Variants in DTNA observed in about 807,000 individuals in gnomAD.
DTNA encodes the protein dystrophin-related protein 3.
A neutral mutation model predicts 100.7 loss-of-function variants in DTNA; 43 were observed. The observed-to-expected ratio is 0.43, with a 90% CI of 0.33 to 0.55. The LOEUF is 0.55. Ranked by LOEUF, DTNA falls within the 20% of genes least tolerant of loss-of-function variation. DTNA has a pLI of 0.04. For synonymous variants in DTNA, 349 were observed against 347.9 expected, an observed-to-expected ratio of 1.00 and a Z score of -0.04; for missense variants, 798 against 953.9, an observed-to-expected ratio of 0.84 and a Z score of 2.15.
At chr18:34,504,433 C>G (rs1256071087) in intron 1 of DTNA, among the ~76,000 whole-genome samples, 1 of 152,110 alleles carries the variant, frequency 6.6e-6, no homozygotes, top group Non-Finnish European at 1.5e-5. Flanking sequence ...TTACCATGTT[C>G]TTTTTTCTTG....
chr18:34,882,269 C>T, intron 21 of DTNA, 68 bp downstream of exon 21: 2 of 1,588,120 alleles, frequency 1.3e-6, no homozygotes, highest in African/African-American at 1.3e-5. Flanking sequence ...GGGTCTTTGA[C>T]ATGACTTGCA....
chr18:34,577,028 T>A (rs1380926590), intron 1 of DTNA, among the ~76,000 whole-genome samples: 2 of 152,208 alleles, frequency 1.3e-5, no homozygotes, highest in Non-Finnish European at 2.9e-5. Flanking sequence ...TGTGGGTCAG[T>A]AATAAATAGT....
chr18:34,822,648 A>C (rs1602684852), intron 9 of DTNA: 1 of 153,414 alleles, frequency 6.5e-6, no homozygotes, highest in East Asian at 1.9e-4. Context: ...GTGTGTGTGC[A>C]CGTGTGTGTC....
intron 17 of DTNA, chr18:34,867,676 C>T (rs553778336): frequency 2.0e-6 from 2 of 987,200 alleles, no homozygotes; most frequent in East Asian, 1.1e-4. Flanking sequence ...AGCCATTTCC[C>T]TTGGGGATAC....
intron 1 of DTNA, among the ~76,000 whole-genome samples, chr18:34,641,019 C>T (rs1412062004): frequency 6.6e-6 from 1 of 151,932 alleles, no homozygotes; most frequent in Admixed American, 6.6e-5. Context: ...GGGGTAAAGA[C>T]TTTATTATTA....
At chr18:34,712,136 AAG>A (rs750807657) in intron 1 of DTNA, among the ~76,000 whole-genome samples, 9 of 152,082 alleles carry the variant, frequency 5.9e-5, no homozygotes, top group Non-Finnish European at 1.3e-4. Context: ...AGAAAAATAA[AAG>A]AGGGAAAGAA....
rs868332649 is a variant in DTNA, at chr18:34,885,931, T to G, written c.*31+1155T>G. ...ACTTGGCACACTGTGGGCCACACTG[T>G]TCCGTAAGTCTAGATTTTTTCTCTG... On this transcript the variant is annotated intron_variant, in intron 22 of 22. Transcript: ENST00000444659. 4.6e-5 allele frequency among the ~76,000 whole-genome samples: 7 copies of G among 152,326 alleles called. No individual in the cohort carries two copies. In the South Asian group the frequency reaches 1.4e-3, roughly 32 times the overall value.
intron 1 of DTNA, among the ~76,000 whole-genome samples, chr18:34,550,803 A>G (rs1041003633): frequency 7.9e-5 from 12 of 152,296 alleles, no homozygotes; most frequent in East Asian, 1.9e-4. Flanking sequence ...TTATATTTCT[A>G]ATCAAAAATG....
chr18:34,500,581 AGCC>A (rs2039797677), intron 1 of DTNA, among the ~76,000 whole-genome samples: 1 of 151,708 alleles, frequency 6.6e-6, no homozygotes, highest in African/African-American at 2.4e-5. Context: ...CTCCTGCCTC[AGCC>A]TCCTGAGTAG....
chr18:34,653,052 A>G (rs1599636018), intron 1 of DTNA, among the ~76,000 whole-genome samples: 1 of 152,144 alleles, frequency 6.6e-6, no homozygotes, highest in East Asian at 1.9e-4. Flanking sequence ...AAATGTCACT[A>G]TTTCCTGCAG....
chr18:34,872,448 C>A (rs1369158943), intron 17 of DTNA, among the ~76,000 whole-genome samples: 1 of 152,178 alleles, frequency 6.6e-6, no homozygotes, highest in African/African-American at 2.4e-5. Context: ...TATCTCAAAT[C>A]ACTAGATCCA....
chr18:34,856,516 T>C (rs776686058), intron 15 of DTNA, among the ~76,000 whole-genome samples: 65 of 152,150 alleles, frequency 4.3e-4, no homozygotes, highest in Non-Finnish European at 9.1e-4. Context: ...CAAATTATAT[T>C]GTATGGGTCA....
At chr18:34,803,869 A>G (rs893133371) in intron 4 of DTNA, among the ~76,000 whole-genome samples, 1 of 152,218 alleles carries the variant, frequency 6.6e-6, no homozygotes, top group Non-Finnish European at 1.5e-5. Flanking sequence ...TGTAATTTTT[A>G]TAATGATTAC....
At chr18:34,657,577 C>G (rs2074570942) in intron 1 of DTNA, among the ~76,000 whole-genome samples, 1 of 152,064 alleles carries the variant, frequency 6.6e-6, no homozygotes, top group Admixed American at 6.5e-5. Flanking sequence ...AGAATACCAA[C>G]CATTTAATTT....
chr18:34,798,712 T>C (rs1469287329), intron 4 of DTNA, among the ~76,000 whole-genome samples: 1 of 152,234 alleles, frequency 6.6e-6, no homozygotes, highest in East Asian at 1.9e-4. Flanking sequence ...ATTTTCCTAT[T>C]TTCAGAGGTC....
rs371639573 is a variant in DTNA at position 34,581,646 on chromosome 18, G to T, written c.-2+88132G>T. Among the ~76,000 whole-genome samples the T allele has an allele frequency of 2.2e-4, 32 of 145,886 alleles. No individual in the cohort carries two copies. In the East Asian group the frequency reaches 4.8e-3, roughly 22 times the overall value. On this transcript the variant is annotated intron_variant, in intron 1 of 19. Coordinates refer to the DTNA transcript ENST00000283365. ...GTTTTTTTTTTTTTTTTTTGTGACG[G>T]AGTCTTGCTCTGTCACCAGGCTGGC...
chr18:34,877,959 GT>G lies in DTNA; in HGVS notation c.1993+161del, dbSNP rs140501534. On this transcript the variant is annotated intron_variant, in intron 19 of 22. Transcript: ENST00000444659. ...TTGTTGGTCTATTCAGATTTGAGGG[GT>G]TTTTTTTTTGTTTGTTTGTTTTTGG... 13,928 of 657,360 alleles carry G rather than the reference GT, an allele frequency of 0.021. 140 individuals carry two copies. Among genetic ancestry groups the G allele is most frequent in the South Asian group, 0.024 (1,123 of 46,668 alleles). 40.7% of individuals were successfully genotyped at this position (657,360 alleles called of 1,614,324 possible).
At chr18:34,522,683 G>A (rs976919656) in intron 1 of DTNA, among the ~76,000 whole-genome samples, 5 of 152,134 alleles carry the variant, frequency 3.3e-5, no homozygotes, top group African/African-American at 7.2e-5. Context: ...CAACAAGTGT[G>A]GTCAAGTGCA....
At chr18:34,732,678 G>T (rs1308178011) in intron 1 of DTNA, among the ~76,000 whole-genome samples, 3 of 152,150 alleles carry the variant, frequency 2.0e-5, no homozygotes, top group Admixed American at 6.5e-5. Context: ...CCCAAGCAAA[G>T]AAAATTAAAT....
Sources: gnomAD v4.1 joint callset for allele counts (sites outside exome capture counted in the v4.1 genomes callset) on GRCh38, gnomAD v4.1.1 for gene constraint, MANE v1.5 for transcripts, NCBI Gene and HGNC (gene_info 2026-07-23, HGNC 2026-07-21) for gene names.